Variants in CRTAC1 observed in about 807,000 individuals in gnomAD.
CRTAC1 encodes the protein cartilage acidic protein 1.
In CRTAC1, 37 loss-of-function variants were observed where a neutral mutation model predicts 67.8. That is an observed-to-expected ratio of 0.55 (90% CI 0.42 to 0.72). CRTAC1 has a LOEUF of 0.72. CRTAC1 is among the 30% of genes least tolerant of loss of function. The pLI, the probability that CRTAC1 is intolerant of heterozygous loss-of-function variation, is 0.00. For synonymous variants in CRTAC1, 348 were observed against 371.0 expected, an observed-to-expected ratio of 0.94 and a Z score of 0.71; for missense variants, 780 against 931.6, an observed-to-expected ratio of 0.84 and a Z score of 2.12.
intron 8 of CRTAC1, among the ~76,000 whole-genome samples, chr10:97,898,554 G>A (rs2050492400): frequency 6.6e-6 from 1 of 152,222 alleles, no homozygotes; most frequent in Non-Finnish European, 1.5e-5. Context: ...AGTAGAAAGT[G>A]ACAAGGCTGG....
At chr10:97,947,813 G>A (rs1266369656) in intron 2 of CRTAC1, among the ~76,000 whole-genome samples, 1 of 152,154 alleles carries the variant, frequency 6.6e-6, no homozygotes, top group Non-Finnish European at 1.5e-5. Context: ...AACACTTTGG[G>A]AAGCCAAGTT....
At chr10:97,922,457 C>T (rs555530890) in intron 4 of CRTAC1, among the ~76,000 whole-genome samples, 12 of 152,328 alleles carry the variant, frequency 7.9e-5, no homozygotes, top group Admixed American at 7.8e-4. Flanking sequence ...ACTCCTGTGG[C>T]AGCCGGGCAG....
intron 13 of CRTAC1, among the ~76,000 whole-genome samples, chr10:97,881,033 C>T (rs539785631): frequency 2.6e-5 from 4 of 152,304 alleles, no homozygotes; most frequent in South Asian, 2.1e-4. Flanking sequence ...TTCCTGCCAT[C>T]GTGACCTCTT....
At chr10:97,900,634 G>C (rs12218215) in intron 8 of CRTAC1, among the ~76,000 whole-genome samples, 32 of 115,330 alleles carry the variant, frequency 2.8e-4, no homozygotes, top group South Asian at 1.2e-3. Flanking sequence ...AGTGATTGGA[G>C]CCCGTAGCCC....
chr10:97,967,055 G>C lies in CRTAC1; in HGVS notation c.225-30689C>G, dbSNP rs182886441. Among the ~76,000 whole-genome samples, 6 of 151,576 alleles carry C rather than the reference G, an allele frequency of 4.0e-5. No homozygotes were observed. In the East Asian group the frequency reaches 7.8e-4, roughly 20 times the overall value. On this transcript the variant is annotated intron_variant, in intron 2 of 14. Coordinates refer to ENST00000370597, the MANE Select transcript of CRTAC1 (RefSeq NM_018058.7). ...AAGTCACTATGCGGCACCTACGCAG[G>C]AGTAGGGAGTTTTGCTTCAGCTCCT...
At chr10:97,870,865 G>C (rs1385177995) in intron 14 of CRTAC1, 3 of 152,078 alleles carry the variant, frequency 2.0e-5, no homozygotes, top group African/African-American at 7.3e-5. Context: ...TCTTAACCTC[G>C]ACCCGACTGC....
chr10:97,986,743 C>G (rs2051989115), intron 2 of CRTAC1, among the ~76,000 whole-genome samples: 1 of 152,186 alleles, frequency 6.6e-6, no homozygotes, highest in South Asian at 2.1e-4. Context: ...ACTGGCCCTG[C>G]CCTGCTTTGG....
intron 1 of CRTAC1, among the ~76,000 whole-genome samples, chr10:98,012,542 C>T (rs118148504): frequency 2.4e-3 from 273 of 111,828 alleles, no homozygotes; most frequent in Non-Finnish European, 4.3e-3. Context: ...CTTGTCAGTG[C>T]ATCTGGCAGC....
At chr10:97,945,148 T>C (rs2051244076) in intron 2 of CRTAC1, among the ~76,000 whole-genome samples, 1 of 152,198 alleles carries the variant, frequency 6.6e-6, no homozygotes, top group South Asian at 2.1e-4. Flanking sequence ...GGATTATTCA[T>C]AAATCAGTGG....
At chr10:97,983,631 C>T (rs2051933642) in intron 2 of CRTAC1, among the ~76,000 whole-genome samples, 1 of 152,202 alleles carries the variant, frequency 6.6e-6, no homozygotes, top group South Asian at 2.1e-4. Context: ...TCAAGAACTA[C>T]CACATTTCTT....
intron 2 of CRTAC1, among the ~76,000 whole-genome samples, chr10:97,999,861 A>C (rs1334971091): frequency 1.3e-5 from 2 of 152,198 alleles, no homozygotes; most frequent in Non-Finnish European, 2.9e-5. Flanking sequence ...TATCCACTCC[A>C]GGGCCCCCTC....
At chr10:98,025,726 G>T (rs1843218581) in intron 1 of CRTAC1, among the ~76,000 whole-genome samples, 1 of 152,214 alleles carries the variant, frequency 6.6e-6, no homozygotes, top group Non-Finnish European at 1.5e-5. Flanking sequence ...CTGGAAGCCT[G>T]TATCTGCAGC....
At position 97,929,136 on chromosome 10, in the gene CRTAC1, G is replaced by A. The variant is rs370075463; in HGVS notation, c.422-5736C>T. ...ACAGTGACCCAAGCAGGGACACTGA[G>A]CTTACTGGGGGTGAGCAAGAGCCTG... On this transcript the variant is annotated intron_variant, in intron 3 of 14. Transcript: ENST00000370597. 5.3e-5 allele frequency among the ~76,000 whole-genome samples: 8 copies of A among 152,162 alleles called. No individual in the cohort carries two copies. The East Asian group carries it at 5.8e-4, about 11-fold the overall frequency.
chr10:97,955,635 T>A (rs776012032), intron 2 of CRTAC1, among the ~76,000 whole-genome samples: 7 of 152,214 alleles, frequency 4.6e-5, no homozygotes, highest in Non-Finnish European at 1.0e-4. Flanking sequence ...CAATCTGGGA[T>A]GTCATGAAAA....
At chr10:97,944,432 CA>C (rs112843013) in intron 2 of CRTAC1, among the ~76,000 whole-genome samples, 1,990 of 135,762 alleles carry the variant, frequency 0.015, 18 homozygotes, top group African/African-American at 0.03. Context: ...AACTCCATCT[CA>C]AAAAAAAAAA....
chr10:97,925,021 C>T (rs976846428), intron 3 of CRTAC1, among the ~76,000 whole-genome samples: 1 of 152,106 alleles, frequency 6.6e-6, no homozygotes, highest in Non-Finnish European at 1.5e-5. Context: ...AATCCCAGTA[C>T]TGTGGGAGGC....
chr10:97,901,654 G>C lies in CRTAC1; in HGVS notation c.997-15C>G, dbSNP rs765946796. 6.2e-7 allele frequency: 1 copy of C among 1,613,962 alleles called. No individual in the cohort carries two copies. The highest frequency in any genetic ancestry group is 1.1e-5 in the South Asian group (1 of 91,072). Reference sequence around the variant, plus strand: ...GAGGCGATGTCCTGGAGGAAACAAGGCTGGGGGTCAGTGGCAGGAGAGTGG... The same window carrying C: ...GAGGCGATGTCCTGGAGGAAACAAGCCTGGGGGTCAGTGGCAGGAGAGTGG... On this transcript the variant is annotated splice_polypyrimidine_tract_variant and intron_variant, in intron 7 of 14. Transcript: ENST00000370597.
At chr10:97,935,709 G>C (rs1299211342) in intron 3 of CRTAC1, among the ~76,000 whole-genome samples, 2 of 152,216 alleles carry the variant, frequency 1.3e-5, no homozygotes, top group African/African-American at 4.8e-5. Context: ...GCTGAGAGTA[G>C]TGGGGGGCTC....
At chr10:97,958,219 G>C (rs1211024908) in intron 2 of CRTAC1, among the ~76,000 whole-genome samples, 3 of 152,132 alleles carry the variant, frequency 2.0e-5, no homozygotes, top group Non-Finnish European at 4.4e-5. Flanking sequence ...TTAGGTGAAG[G>C]AAGCAGTTTA....
Sources: allele counts gnomAD v4.1 joint callset (sites outside exome capture counted in the v4.1 genomes callset), GRCh38; gene constraint gnomAD v4.1.1; transcripts MANE v1.5; gene names NCBI Gene and HGNC (gene_info 2026-07-23, HGNC 2026-07-21).